The following CNTNAP2 variants were observed in gnomAD, a reference collection of about 807,000 sequenced individuals.
CNTNAP2 encodes contactin associated protein 2, also known as contactin-associated protein-like 2.
Under a neutral mutation model 155.2 loss-of-function variants are expected in CNTNAP2, and 98 were observed. That is an observed-to-expected ratio of 0.63 (90% confidence interval 0.54 to 0.75). CNTNAP2 has a LOEUF of 0.75. Among genes scored for constraint, CNTNAP2 ranks in the 30% least tolerant of loss-of-function variants. The probability of loss-of-function intolerance (pLI) is 0.00; values close to 1 mark genes in which losing one functional copy is unlikely to be tolerated. For missense variants in CNTNAP2, 1,727 were observed against 1,688.1 expected (o/e 1.02, Z -0.40); for synonymous variants, 651 against 631.2 (o/e 1.03, Z -0.47).
Position 146,910,154 on chromosome 7 carries a change from A to G in CNTNAP2, c.402+70250A>G, listed in dbSNP as rs1268337596. Reference sequence around the variant, plus strand: ...AAACCACTGCTCAAGGAAATAAAAGAGGATACAAAGAAATGGAAGAACATT... The same window carrying G: ...AAACCACTGCTCAAGGAAATAAAAGGGGATACAAAGAAATGGAAGAACATT... On this transcript the variant is annotated intron_variant, in intron 3 of 23. Coordinates refer to ENST00000361727, the MANE Select transcript of CNTNAP2 (RefSeq NM_014141.6). 2.2e-5 allele frequency among the ~76,000 whole-genome samples: 3 copies of G among 135,524 alleles called. No individual in the cohort carries two copies. The East Asian group carries it at 5.9e-4, about 26-fold the overall frequency. 88.9% of individuals were successfully genotyped at this position (135,524 alleles called of 152,430 possible).
At chr7:147,858,367 G>T (rs553832324) in intron 13 of CNTNAP2, among the ~76,000 whole-genome samples, 5 of 152,186 alleles carry the variant, frequency 3.3e-5, no homozygotes, top group African/African-American at 1.2e-4. Flanking sequence ...GATGACAGGC[G>T]TAAGCCACTG....
intron 1 of CNTNAP2, among the ~76,000 whole-genome samples, chr7:146,592,925 C>G (rs374882): frequency 0.82 from 124,682 of 151,854 alleles, 51,738 homozygotes; most frequent in South Asian, 0.9. Flanking sequence ...AGCACCCTCT[C>G]CTTAGCAACC....
At chr7:146,169,559 A>C (rs962280902) in intron 1 of CNTNAP2, among the ~76,000 whole-genome samples, 1 of 152,182 alleles carries the variant, frequency 6.6e-6, no homozygotes, top group African/African-American at 2.4e-5. Context: ...TAGTATAATT[A>C]ACTATAGGCA....
At chr7:147,368,611 G>A (rs1796287709) in intron 9 of CNTNAP2, among the ~76,000 whole-genome samples, 1 of 152,144 alleles carries the variant, frequency 6.6e-6, no homozygotes, top group South Asian at 2.1e-4. Context: ...CTGAGAGCAG[G>A]AGCAGCTCTG....
chr7:147,907,644 T>C (rs373372689), intron 14 of CNTNAP2, among the ~76,000 whole-genome samples: 3 of 152,168 alleles, frequency 2.0e-5, no homozygotes, highest in East Asian at 3.9e-4. Context: ...CTCTGAAATT[T>C]AATTTATTAT....
intron 14 of CNTNAP2, among the ~76,000 whole-genome samples, chr7:147,976,523 T>C (rs913049267): frequency 6.6e-6 from 1 of 152,218 alleles, no homozygotes; most frequent in African/African-American, 2.4e-5. Flanking sequence ...TCTGATTTGA[T>C]AAATAATTAT....
Position 147,658,256 on chromosome 7 carries a change from CAAA to C in CNTNAP2, c.2098+18967_2098+18969del, listed in dbSNP as rs11358943. On this transcript the variant is annotated intron_variant, in intron 13 of 23. Coordinates refer to ENST00000361727, the MANE Select transcript of CNTNAP2 (RefSeq NM_014141.6). ...TGGGAGACAGAGCGAGACTCCGTCCCAAAAAAAAAAAAAAAAAAAGATAGCCGA... is the reference window on the plus strand; with the variant it reads ...TGGGAGACAGAGCGAGACTCCGTCCCAAAAAAAAAAAAAAAAGATAGCCGA... 1.7e-4 allele frequency among the ~76,000 whole-genome samples: 16 copies of C among 95,354 alleles called. 1 individual carries two copies. Among genetic ancestry groups the C allele is most frequent in the Non-Finnish European group, 1.4e-4 (6 of 43,968 alleles). The allele number at this position is 95,354 out of a possible 152,430, so 62.6% of individuals were successfully genotyped here. A position where few individuals can be genotyped will look rare whatever the true frequency, so the allele number is the denominator to read the frequency against.
chr7:147,232,778 CTT>C (rs1418479634), intron 8 of CNTNAP2, among the ~76,000 whole-genome samples: 1 of 133,574 alleles, frequency 7.5e-6, no homozygotes, highest in African/African-American at 3.0e-5. Flanking sequence ...TTGGTAATGA[CTT>C]TTTTAAAAGC....
intron 3 of CNTNAP2, among the ~76,000 whole-genome samples, chr7:146,962,415 A>G (rs1797573063): frequency 6.6e-6 from 1 of 152,250 alleles, no homozygotes; most frequent in Non-Finnish European, 1.5e-5. Flanking sequence ...GAGATGATGC[A>G]GGATTGAAGG....
chr7:146,997,806 T>C (rs1798340438), intron 3 of CNTNAP2, among the ~76,000 whole-genome samples: 1 of 152,098 alleles, frequency 6.6e-6, no homozygotes, highest in Admixed American at 6.6e-5. Flanking sequence ...AATTTATTGA[T>C]TTCTCCTAGG....
intron 8 of CNTNAP2, among the ~76,000 whole-genome samples, chr7:147,241,505 G>GT (rs1247000103): frequency 6.6e-6 from 1 of 151,906 alleles, no homozygotes; most frequent in African/African-American, 2.4e-5. Flanking sequence ...GCATGCGCCT[G>GT]TAATCCCAGC....
chr7:146,407,853 AC>A (rs1188600050), intron 1 of CNTNAP2, among the ~76,000 whole-genome samples: 2 of 152,072 alleles, frequency 1.3e-5, no homozygotes, highest in African/African-American at 2.4e-5. Context: ...TGTGAAGATG[AC>A]AAGGATGAAG....
At chr7:146,274,664 G>C (rs1800135908) in intron 1 of CNTNAP2, among the ~76,000 whole-genome samples, 1 of 152,148 alleles carries the variant, frequency 6.6e-6, no homozygotes, top group Non-Finnish European at 1.5e-5. Context: ...GGCAGGGTAA[G>C]CAGCAATCGG....
intron 8 of CNTNAP2, among the ~76,000 whole-genome samples, chr7:147,288,391 G>T (rs1365433664): frequency 6.6e-6 from 1 of 152,178 alleles, no homozygotes; most frequent in African/African-American, 2.4e-5. Context: ...GAATTAATGA[G>T]TGAATAAATG....
chr7:148,368,213 A>G (rs965657581), intron 21 of CNTNAP2, among the ~76,000 whole-genome samples: 2 of 152,146 alleles, frequency 1.3e-5, no homozygotes, highest in African/African-American at 4.8e-5. Context: ...AGTAATTACC[A>G]ATTCGCAGGG....
At chr7:147,490,495 T>C (rs1203996628) in intron 11 of CNTNAP2, among the ~76,000 whole-genome samples, 2 of 152,186 alleles carry the variant, frequency 1.3e-5, no homozygotes, top group Admixed American at 6.5e-5. Flanking sequence ...TGATAATCCA[T>C]TTCACCTATA....
intron 15 of CNTNAP2, among the ~76,000 whole-genome samples, chr7:147,993,678 G>A (rs546851631): frequency 3.9e-4 from 59 of 152,262 alleles, no homozygotes; most frequent in African/African-American, 1.4e-3. Context: ...TCATTTCGTG[G>A]TGGGCAGTAT....
intron 8 of CNTNAP2, among the ~76,000 whole-genome samples, chr7:147,221,875 G>A (rs1173703956): frequency 6.6e-6 from 1 of 152,052 alleles, no homozygotes; most frequent in Non-Finnish European, 1.5e-5. Flanking sequence ...AGGTTTGTGG[G>A]CTTTTTCTCT....
chr7:148,256,378 C>T (rs1403471740), intron 20 of CNTNAP2, among the ~76,000 whole-genome samples: 2 of 152,172 alleles, frequency 1.3e-5, no homozygotes, highest in African/African-American at 4.8e-5. Flanking sequence ...CTGGTTCAAC[C>T]TCCTCACTTT....
Sources: allele counts gnomAD v4.1 joint callset (sites outside exome capture counted in the v4.1 genomes callset), GRCh38; gene constraint gnomAD v4.1.1; transcripts MANE v1.5; gene names NCBI Gene and HGNC (gene_info 2026-07-23, HGNC 2026-07-21).